The following LAMA3 variants were observed in gnomAD, a reference collection of about 807,000 sequenced individuals.
The protein encoded by LAMA3 is laminin subunit alpha 3, also known as laminin subunit alpha-3.
A neutral mutation model predicts 402.0 loss-of-function variants in LAMA3; 281 were observed. That is an observed-to-expected ratio of 0.70 (90% CI 0.63 to 0.77). LAMA3 has a LOEUF of 0.77. LAMA3 is among the 30% of genes least tolerant of loss of function. The probability of loss-of-function intolerance (pLI) is 0.00; values close to 1 mark genes in which losing one functional copy is unlikely to be tolerated. For missense variants in LAMA3, 3,840 were observed against 4,215.5 expected (o/e 0.91, Z 2.47); for synonymous variants, 1,431 against 1,558.4 (o/e 0.92, Z 1.93).
intron 67 of LAMA3, among the ~76,000 whole-genome samples, chr18:23,938,277 A>G (rs978171278): frequency 1.3e-5 from 2 of 151,826 alleles, no homozygotes; most frequent in African/African-American, 4.8e-5. Context: ...GTGAATCCCT[A>G]CCCTTTGCTT....
rs1401882572 is a variant in LAMA3 at position 23,925,051 on chromosome 18, G to T, written c.8178-3072G>T. Among the ~76,000 whole-genome samples, 3 of 152,168 alleles carry T rather than the reference G, an allele frequency of 2.0e-5. No homozygotes were observed. The East Asian group carries it at 5.8e-4, about 29-fold the overall frequency. ...CATTGGGCATGAGTCACTGGGAGGT[G>T]GGGTGGGCACAGAGGAGTTCCATGG... is the stretch of plus-strand genomic sequence containing the variant. On this transcript the variant is annotated intron_variant, in intron 62 of 74. Transcript: ENST00000313654.
rs1275810058 is a variant in LAMA3, at chr18:23,909,424, C to G, written c.7158+129C>G. On this transcript the variant is annotated intron_variant, in intron 55 of 74. Transcript: ENST00000313654. ...CTTTCTTTCCCCAATTCTTGTGTTG[C>G]TTGAATATAAAGATTGATTTTCTCC... is the stretch of plus-strand genomic sequence containing the variant. 17 of 856,218 alleles carry G rather than the reference C, an allele frequency of 2.0e-5. No homozygotes were observed. In the Admixed American group the frequency reaches 2.7e-4, roughly 14 times the overall value. The allele number at this position is 856,218 out of a possible 1,614,324, so 53.0% of individuals were successfully genotyped here. A position where few individuals can be genotyped will look rare whatever the true frequency, so the allele number is the denominator to read the frequency against.
Position 23,789,176 on chromosome 18 carries a change from C to T in LAMA3, c.1603+5019C>T, listed in dbSNP as rs998131754. Among the ~76,000 whole-genome samples, 6 of 152,068 alleles carry T rather than the reference C, an allele frequency of 3.9e-5. No homozygotes were observed. In the South Asian group the frequency reaches 6.2e-4, roughly 16 times the overall value. Reference sequence around the variant, plus strand: ...CACTAGAAAGGCAGGCAATAACAAGCGTTGGCAAGGATGTAGAGAAATTTG... The same window carrying T: ...CACTAGAAAGGCAGGCAATAACAAGTGTTGGCAAGGATGTAGAGAAATTTG... On this transcript the variant is annotated intron_variant, in intron 12 of 74. Coordinates refer to ENST00000313654, the MANE Select transcript of LAMA3 (RefSeq NM_198129.4).
chr18:23,882,625 A>G (rs2064938473), intron 40 of LAMA3, among the ~76,000 whole-genome samples: 1 of 150,178 alleles, frequency 6.7e-6, no homozygotes, highest in African/African-American at 2.5e-5. Flanking sequence ...AAAAAAAAAA[A>G]GAAAACAAAC....
intron 63 of LAMA3, 71 bp downstream of exon 63, chr18:23,928,311 G>GCAACTTTTGACTTCTTTCTGATAGCA: frequency 1.0e-6 from 1 of 984,396 alleles, no homozygotes; most frequent in Non-Finnish European, 1.6e-6. Flanking sequence ...CATTAACGCA[G>GCAACTTTTGACTTCTTTCTGATAGCA]CAACTTTTGA....
At chr18:23,699,295 A>AT (rs758584002) in intron 1 of LAMA3, among the ~76,000 whole-genome samples, 1 of 152,212 alleles carries the variant, frequency 6.6e-6, no homozygotes, top group Non-Finnish European at 1.5e-5. Flanking sequence ...GAATTTATAC[A>AT]TATTTCACTT....
At chr18:23,833,345 ATG>A (rs954707847) in intron 23 of LAMA3, among the ~76,000 whole-genome samples, 1 of 152,112 alleles carries the variant, frequency 6.6e-6, no homozygotes, top group African/African-American at 2.4e-5. Context: ...CAGGAGCGAG[ATG>A]TGTGTGTGTT....
rs778653740 is a variant in LAMA3, at chr18:23,758,400, C to T, written c.952C>T (p.Arg318Trp). ...CNINNPEKLF[R>W]CECQHHTCGE... Reference sequence around the variant, plus strand: ...GCACTTCGCCCACATGCCCAGGTTTCGGTGTGAATGCCAGCACCACACCTG... The same window carrying T: ...GCACTTCGCCCACATGCCCAGGTTTTGGTGTGAATGCCAGCACCACACCTG... Residue 318 changes from arginine (R) to tryptophan (W), a missense_variant, in exon 7 of 75, where the codon CGG becomes TGG. Arg to Trp is a moderately radical substitution (Grantham distance 101). Around this residue, in one of 3 missense-constraint regions of LAMA3, gnomAD observed 2,109 missense variants for 2,376.0 expected, o/e 0.89. Transcript: ENST00000313654. The T allele has an allele frequency of 8.1e-5, 131 of 1,612,736 alleles. No homozygotes were observed. The highest frequency in any genetic ancestry group is 2.0e-4 in the East Asian group (9 of 44,882).
Position 23,827,325 on chromosome 18 carries a change from A to G in LAMA3, c.2681A>G (p.Tyr894Cys). 2 of 1,614,138 alleles carry G rather than the reference A, an allele frequency of 1.2e-6. No individual in the cohort carries two copies. Among genetic ancestry groups the G allele is most frequent in the Non-Finnish European group, 1.7e-6 (2 of 1,180,022 alleles). Residue 894 changes from tyrosine to cysteine, a missense_variant, in exon 23 of 75, where the codon TAC becomes TGC. By Grantham distance (194) the Tyr-to-Cys change is radical. Around this residue, in one of 3 missense-constraint regions of LAMA3, gnomAD observed 2,109 missense variants for 2,376.0 expected, o/e 0.89. Transcript: ENST00000313654. ...TGCTGTTGTTGAAGTTGCTTACTCT[A>G]CCAGCATTTGCCAGTGACCAGATTC... ...AGPPQENCLL[Y>C]QHLPVTRFPC... is the part of the protein sequence containing the mutation.
Position 23,689,906 on chromosome 18 carries a change from A to G in LAMA3, c.223A>G (p.Arg75Gly). The change falls in exon 1 of 75, where the codon AGG (arginine) becomes GGG (glycine). Residue 75 changes from arginine (R) to glycine (G), a missense_variant. This residue lies in a region of LAMA3 where 2,109 missense variants were observed against 2,376.0 expected (regional missense o/e 0.89). Transcript: ENST00000313654. ...CGGGGAGAGGGGACCCGGCGAGGGG[A>G]GGCCCCAGCCCGAGCTCTACTGCAA... Reference protein sequence around the residue: ...TCGERGPGEGRPQPELYCKLV... With the variant: ...TCGERGPGEGGPQPELYCKLV... The G allele has an allele frequency of 6.5e-7, 1 of 1,534,934 alleles. No individual in the cohort carries two copies. Among genetic ancestry groups the G allele is most frequent in the Non-Finnish European group, 8.8e-7 (1 of 1,140,876 alleles).
chr18:23,939,922 G>A (rs2082438542), intron 68 of LAMA3, among the ~76,000 whole-genome samples: 1 of 152,062 alleles, frequency 6.6e-6, no homozygotes, highest in Non-Finnish European at 1.5e-5. Flanking sequence ...ATTTGAAGGA[G>A]CCATAGATAA....
At chr18:23,691,311 A>C (rs1181512462) in intron 1 of LAMA3, among the ~76,000 whole-genome samples, 1 of 152,222 alleles carries the variant, frequency 6.6e-6, no homozygotes, top group Non-Finnish European at 1.5e-5. Flanking sequence ...TAAAACATGC[A>C]AAAACAGAAA....
At chr18:23,950,857 C>T (rs1259492483) in intron 72 of LAMA3, among the ~76,000 whole-genome samples, 2 of 152,156 alleles carry the variant, frequency 1.3e-5, no homozygotes, top group African/African-American at 2.4e-5. Context: ...AAGTAACTAT[C>T]CACTTGCAAG....
intron 39 of LAMA3, among the ~76,000 whole-genome samples, chr18:23,880,799 C>G (rs1334603040): frequency 6.6e-6 from 1 of 152,122 alleles, no homozygotes; most frequent in African/African-American, 2.4e-5. Context: ...ATCACTTGAA[C>G]CCAGGAGGCA....
chr18:23,718,598 G>A (rs62093349), intron 2 of LAMA3, among the ~76,000 whole-genome samples: 5,587 of 152,282 alleles, frequency 0.037, 152 homozygotes, highest in South Asian at 0.085. Flanking sequence ...AGAAGGTGAC[G>A]TTGCCCCTGC....
rs558792708 is a variant in LAMA3, at chr18:23,860,040, T to A, written c.4422+1211T>A. On this transcript the variant is annotated intron_variant, in intron 34 of 74. Transcript: ENST00000313654. ...AACTGTGGACTAAGACCAATTACTA[T>A]GGCAAAAGATGCTCCTATCACCCCT... is the stretch of plus-strand genomic sequence containing the variant. Among the ~76,000 whole-genome samples, 3 of 152,300 alleles carry A rather than the reference T, an allele frequency of 2.0e-5. No homozygotes were observed. In the East Asian group the frequency reaches 5.8e-4, roughly 29 times the overall value.
intron 1 of LAMA3, among the ~76,000 whole-genome samples, chr18:23,701,170 T>C (rs761187250): frequency 2.6e-5 from 4 of 152,190 alleles, no homozygotes; most frequent in Non-Finnish European, 4.4e-5. Flanking sequence ...AATGAAGAAA[T>C]ATATTGTGAC....
At chr18:23,794,838 T>C (rs2062731595) in intron 12 of LAMA3, among the ~76,000 whole-genome samples, 1 of 152,208 alleles carries the variant, frequency 6.6e-6, no homozygotes, top group African/African-American at 2.4e-5. Context: ...TTGATTTGTT[T>C]CTAGGGAATT....
chr18:23,787,758 C>G (rs2062574072), intron 12 of LAMA3, among the ~76,000 whole-genome samples: 1 of 152,126 alleles, frequency 6.6e-6, no homozygotes. Flanking sequence ...TAAGTAAAGA[C>G]TTTCTCAGAT....
Sources: gnomAD v4.1 joint callset for allele counts (sites outside exome capture counted in the v4.1 genomes callset) on GRCh38, gnomAD v4.1.1 for gene constraint, gnomAD v4.1.1 regional missense constraint, MANE v1.5 for transcripts, NCBI Gene and HGNC (gene_info 2026-07-23, HGNC 2026-07-21) for gene names.